Variants in HHAT observed in about 807,000 individuals in gnomAD.
HHAT encodes the protein hedgehog acyltransferase, also known as protein-cysteine N-palmitoyltransferase HHAT.
A neutral mutation model predicts 70.8 loss-of-function variants in HHAT; 47 were observed. The observed-to-expected ratio is 0.66, with a 90% CI of 0.53 to 0.85. The LOEUF (loss-of-function observed/expected upper bound fraction) is 0.85. Ranked by LOEUF, HHAT falls within the 40% of genes least tolerant of loss-of-function variation. The pLI is 0.00. For missense variants in HHAT, 609 were observed against 604.8 expected (o/e 1.01, Z -0.07); for synonymous variants, 228 against 247.6 (o/e 0.92, Z 0.74).
chr1:210,522,763 C>G (rs2095178528), intron 9 of HHAT, among the ~76,000 whole-genome samples: 2 of 151,650 alleles, frequency 1.3e-5, no homozygotes, highest in African/African-American at 4.8e-5. Flanking sequence ...TATCTCCTTG[C>G]CCCCCACCCC....
chr1:210,514,963 G>A (rs890593627), intron 9 of HHAT, among the ~76,000 whole-genome samples: 2 of 152,182 alleles, frequency 1.3e-5, no homozygotes, highest in Non-Finnish European at 2.9e-5. Flanking sequence ...CTGGAGGAAG[G>A]AGAGGCAGTG....
chr1:210,604,174 G>T (rs1001787395), intron 10 of HHAT, among the ~76,000 whole-genome samples: 1 of 152,104 alleles, frequency 6.6e-6, no homozygotes, highest in African/African-American at 2.4e-5. Context: ...CCACCTCCCA[G>T]GTTCAAGTGA....
At chr1:210,616,161 C>T (rs897573261) in intron 10 of HHAT, among the ~76,000 whole-genome samples, 1 of 152,148 alleles carries the variant, frequency 6.6e-6, no homozygotes, top group Admixed American at 6.5e-5. Flanking sequence ...AATTAACATG[C>T]ACTACCTCAC....
intron 3 of HHAT, among the ~76,000 whole-genome samples, chr1:210,370,805 G>T (rs1049533892): frequency 6.6e-6 from 1 of 151,714 alleles, no homozygotes; most frequent in South Asian, 2.1e-4. Context: ...TAGTAGAGAC[G>T]GGGTTTCACC....
At chr1:210,419,491 G>C (rs545376568) in intron 7 of HHAT, among the ~76,000 whole-genome samples, 35 of 152,260 alleles carry the variant, frequency 2.3e-4, no homozygotes, top group African/African-American at 8.4e-4. Flanking sequence ...CGCAGTGGCT[G>C]ACTTCTGCCT....
At chr1:210,560,439 T>C (rs903202905) in intron 9 of HHAT, among the ~76,000 whole-genome samples, 2 of 152,094 alleles carry the variant, frequency 1.3e-5, no homozygotes, top group Non-Finnish European at 2.9e-5. Context: ...CTCTGGCTTC[T>C]TGGGGGCTCA....
At chr1:210,519,369 G>T (rs772932446) in intron 9 of HHAT, among the ~76,000 whole-genome samples, 2 of 152,112 alleles carry the variant, frequency 1.3e-5, no homozygotes, top group Non-Finnish European at 2.9e-5. Context: ...CATATACCCA[G>T]TAGTGGGATT....
chr1:210,528,884 C>T (rs751879401), intron 9 of HHAT, among the ~76,000 whole-genome samples: 6 of 152,194 alleles, frequency 3.9e-5, no homozygotes, highest in South Asian at 2.1e-4. Flanking sequence ...AAAATCCCCA[C>T]GTGCTCATAC....
intron 7 of HHAT, among the ~76,000 whole-genome samples, chr1:210,434,661 A>G (rs2093334239): frequency 1.3e-5 from 2 of 151,784 alleles, no homozygotes; most frequent in East Asian, 1.9e-4. Context: ...GAATTTGGCC[A>G]TAATGTTAAT....
chr1:210,450,244 T>C (rs150245176), intron 7 of HHAT, among the ~76,000 whole-genome samples: 2,844 of 149,566 alleles, frequency 0.019, 73 homozygotes, highest in African/African-American at 0.064. Context: ...TGAGCCAAGA[T>C]TGCGCCACTG....
At position 210,448,446 on chromosome 1, in the gene HHAT, G is replaced by A. The variant is rs577643804; in HGVS notation, c.857-16059G>A. Among the ~76,000 whole-genome samples the A allele has an allele frequency of 9.2e-5, 14 of 152,250 alleles. 1 individual carries two copies. In the South Asian group the frequency reaches 2.5e-3, roughly 27 times the overall value. ...CATATGAGGGTTTATCAGTCTTAGC[G>A]TAATAGTTTAGGGTAGACATACTAG... On this transcript the variant is annotated intron_variant, in intron 7 of 11. Coordinates refer to ENST00000261458, the MANE Select transcript of HHAT (RefSeq NM_018194.6).
chr1:210,603,582 G>C (rs183108345), intron 10 of HHAT, among the ~76,000 whole-genome samples: 1 of 152,182 alleles, frequency 6.6e-6, no homozygotes, highest in East Asian at 1.9e-4. Flanking sequence ...AAGAAAAATA[G>C]CCCCCTTGTT....
chr1:210,459,711 C>T (rs574523865), intron 7 of HHAT, among the ~76,000 whole-genome samples: 3 of 152,238 alleles, frequency 2.0e-5, no homozygotes, highest in Admixed American at 2.0e-4. Flanking sequence ...CTCAACAGTT[C>T]TGAGCTCCCT....
intron 11 of HHAT, among the ~76,000 whole-genome samples, chr1:210,627,903 G>T (rs764330606): frequency 2.0e-4 from 30 of 152,166 alleles, no homozygotes; most frequent in Non-Finnish European, 3.7e-4. Context: ...GAGGAATTCT[G>T]CTGTGTCATG....
chr1:210,427,144 GTTGT>G (rs2093088125), intron 7 of HHAT, among the ~76,000 whole-genome samples: 1 of 151,988 alleles, frequency 6.6e-6, no homozygotes, highest in African/African-American at 2.4e-5. Flanking sequence ...TTCTCTGATG[GTTGT>G]TTGTAATTCT....
intron 1 of HHAT, among the ~76,000 whole-genome samples, chr1:210,330,632 GAACTTGC>G (rs1209612604): frequency 6.6e-6 from 1 of 152,140 alleles, no homozygotes; most frequent in Admixed American, 6.5e-5. Flanking sequence ...GTAGCATCAG[GAACTTGC>G]GAGCATGGGC....
Position 210,658,657 on chromosome 1 carries a change from A to G in HHAT, c.1391-15631A>G, listed in dbSNP as rs570661455. On this transcript the variant is annotated intron_variant, in intron 11 of 11. Coordinates refer to ENST00000261458, the MANE Select transcript of HHAT (RefSeq NM_018194.6). ...ACATTCTTCTCAGCACCACACTGCA[A>G]TTATTCCAAAACTGACCACATAGTT... Among the ~76,000 whole-genome samples, 18 of 152,270 alleles carry G rather than the reference A, an allele frequency of 1.2e-4. No individual in the cohort carries two copies. The South Asian group carries it at 2.5e-3, about 21-fold the overall frequency.
At chr1:210,450,285 C>A (rs551312780) in intron 7 of HHAT, among the ~76,000 whole-genome samples, 12 of 101,260 alleles carry the variant, frequency 1.2e-4, no homozygotes, top group Admixed American at 7.6e-4. Flanking sequence ...AGCAAGACTG[C>A]GTCTCAGGTG....
intron 7 of HHAT, among the ~76,000 whole-genome samples, chr1:210,427,372 C>G (rs946695518): frequency 6.6e-6 from 1 of 151,996 alleles, no homozygotes; most frequent in Non-Finnish European, 1.5e-5. Flanking sequence ...TCTTGGTTCT[C>G]TAGTTCTTTT....
Sources: allele counts gnomAD v4.1 joint callset (sites outside exome capture counted in the v4.1 genomes callset), GRCh38; gene constraint gnomAD v4.1.1; transcripts MANE v1.5; gene names NCBI Gene and HGNC (gene_info 2026-07-23, HGNC 2026-07-21).